ANKS1B: variants seen among roughly 807,000 people sequenced by gnomAD.
The protein encoded by ANKS1B is ankyrin repeat and sterile alpha motif domain containing 1B, also known as ankyrin repeat and sterile alpha motif domain-containing protein 1B.
Under a neutral mutation model 148.3 loss-of-function variants are expected in ANKS1B, and 36 were observed. The ratio of observed to expected loss-of-function variants is 0.24; its 90% CI spans 0.19 to 0.32. The LOEUF is 0.32. Among genes scored for constraint, ANKS1B ranks in the 10% least tolerant of loss-of-function variants. ANKS1B has a pLI of 1.00. For synonymous variants in ANKS1B, 542 were observed against 560.8 expected (o/e 0.97, Z 0.47); for missense variants, 1,157 against 1,542.6 (o/e 0.75, Z 4.19).
chr12:99,580,106 C>G (rs1345978027), intron 9 of ANKS1B, among the ~76,000 whole-genome samples: 1 of 152,052 alleles, frequency 6.6e-6, no homozygotes, highest in Non-Finnish European at 1.5e-5. Flanking sequence ...AACAGAAAAC[C>G]AAATACCACA....
intron 22 of ANKS1B, among the ~76,000 whole-genome samples, chr12:98,793,061 A>G (rs1387783702): frequency 2.6e-5 from 4 of 152,152 alleles, no homozygotes; most frequent in Admixed American, 1.3e-4. Context: ...TCATTGCTCT[A>G]CTAATTTATA....
chr12:98,766,517 G>T (rs552312026), intron 25 of ANKS1B, among the ~76,000 whole-genome samples: 3 of 152,310 alleles, frequency 2.0e-5, no homozygotes, highest in African/African-American at 7.2e-5. Context: ...TCTATGCATT[G>T]TGACATTTTC....
rs1437356479 is a variant in ANKS1B at position 98,801,511 on chromosome 12, T to C, written c.3142-386A>G. ...ATTTTTAGTTTGAATTGCTTTCACATTCAGAACACACAGTTCTATAAATTT... is the reference window on the plus strand; with the variant it reads ...ATTTTTAGTTTGAATTGCTTTCACACTCAGAACACACAGTTCTATAAATTT... On this transcript the variant is annotated intron_variant, in intron 20 of 26. Transcript: ENST00000683438. This position sits in a 1 kb window ranked among gnomAD's most constrained non-coding sequence, Gnocchi z 5.2. Among the ~76,000 whole-genome samples the C allele has an allele frequency of 6.6e-6, 1 of 152,224 alleles. No homozygotes were observed. Among genetic ancestry groups the C allele is most frequent in the African/African-American group, 2.4e-5 (1 of 41,460 alleles).
chr12:99,189,494 C>A (rs2080341314), intron 14 of ANKS1B, among the ~76,000 whole-genome samples: 1 of 152,174 alleles, frequency 6.6e-6, no homozygotes, highest in African/African-American at 2.4e-5. Flanking sequence ...GCTTATCTAC[C>A]ACGATCAAGT....
chr12:99,484,291 C>T (rs568888606), intron 10 of ANKS1B, among the ~76,000 whole-genome samples: 35 of 151,848 alleles, frequency 2.3e-4, no homozygotes, highest in Non-Finnish European at 4.6e-4. Flanking sequence ...AATTTCCATG[C>T]GTTTTTATAG....
At chr12:98,785,691 C>T (rs771406935) in intron 22 of ANKS1B, among the ~76,000 whole-genome samples, 17 of 152,122 alleles carry the variant, frequency 1.1e-4, no homozygotes, top group Non-Finnish European at 2.5e-4. Flanking sequence ...ATTCTTTTCT[C>T]CTTCCCAGGG....
intron 17 of ANKS1B, among the ~76,000 whole-genome samples, chr12:98,925,042 C>T (rs1318462167): frequency 6.6e-6 from 1 of 152,118 alleles, no homozygotes; most frequent in Non-Finnish European, 1.5e-5. Context: ...CTATAACACA[C>T]AAAATATGGT....
chr12:99,576,548 C>A (rs2097522176), intron 9 of ANKS1B, among the ~76,000 whole-genome samples: 1 of 152,048 alleles, frequency 6.6e-6, no homozygotes, highest in Admixed American at 6.6e-5. Context: ...TGGACCACAG[C>A]ACAGTAAAAA....
chr12:99,587,334 T>C (rs2097652749), intron 9 of ANKS1B, among the ~76,000 whole-genome samples: 1 of 152,170 alleles, frequency 6.6e-6, no homozygotes, highest in African/African-American at 2.4e-5. Flanking sequence ...CCTCTTGGTA[T>C]GAATATAAGC....
rs375803958 is a variant in ANKS1B, at chr12:99,453,094, TC to T, written c.1439-9286del. On this transcript the variant is annotated intron_variant, in intron 10 of 26. Coordinates refer to ENST00000683438, the MANE Select transcript of ANKS1B (RefSeq NM_001352186.2). The stretch of plus-strand genomic sequence containing the variant: ...TCACAAGGTCAGGAGATCGAGACCA[TC>T]CTGGCTAACATGGTGAAACCCCGTC... Among the ~76,000 whole-genome samples, 644 of 152,116 alleles carry T rather than the reference TC, an allele frequency of 4.2e-3. 28 individuals are homozygous for T. The South Asian group carries it at 0.058, about 14-fold the overall frequency.
intron 12 of ANKS1B, among the ~76,000 whole-genome samples, chr12:99,302,973 G>A (rs2081874934): frequency 6.6e-6 from 1 of 152,076 alleles, no homozygotes; most frequent in East Asian, 1.9e-4. Flanking sequence ...ATGTTCTTTA[G>A]GCTAATTGAG....
chr12:99,154,641 C>T, intron 14 of ANKS1B: 1 of 1,445,382 alleles, frequency 6.9e-7, no homozygotes. Context: ...ACATATTAAT[C>T]TTTACTACCG....
downstream of ANKS1B, among the ~76,000 whole-genome samples, chr12:98,742,500 C>A (rs376168310): frequency 6.6e-6 from 1 of 152,226 alleles, no homozygotes; most frequent in Non-Finnish European, 1.5e-5. Flanking sequence ...GCAGAAGCAA[C>A]TCTAAGGAAA....
At chr12:99,670,467 T>C (rs2098532095) in intron 8 of ANKS1B, among the ~76,000 whole-genome samples, 1 of 152,094 alleles carries the variant, frequency 6.6e-6, no homozygotes, top group African/African-American at 2.4e-5. Flanking sequence ...ATTAAAAAAT[T>C]ATTGTTTATG....
At chr12:99,163,530 G>A (rs2076903514) in intron 14 of ANKS1B, among the ~76,000 whole-genome samples, 1 of 148,750 alleles carries the variant, frequency 6.7e-6, no homozygotes, top group Non-Finnish European at 1.5e-5. Flanking sequence ...TTTATCACAC[G>A]TGCAGACCAC....
At chr12:98,982,737 CTTAAT>C (rs1568180197) in intron 17 of ANKS1B, among the ~76,000 whole-genome samples, 1 of 152,154 alleles carries the variant, frequency 6.6e-6, no homozygotes, top group East Asian at 1.9e-4. Flanking sequence ...TTTGTATAAA[CTTAAT>C]TTATTTTCAT....
intron 8 of ANKS1B, among the ~76,000 whole-genome samples, chr12:99,769,412 T>C (rs1025779261): frequency 6.6e-6 from 1 of 152,204 alleles, no homozygotes; most frequent in Non-Finnish European, 1.5e-5. Flanking sequence ...TATACAACTA[T>C]GGCTGAGAAC....
chr12:99,898,954 TG>T (rs2093488033), intron 1 of ANKS1B, among the ~76,000 whole-genome samples: 1 of 152,186 alleles, frequency 6.6e-6, no homozygotes, highest in African/African-American at 2.4e-5. Context: ...TGGAGATCAA[TG>T]AGTCTAGTCC....
At chr12:99,530,260 T>G (rs1043110624) in intron 9 of ANKS1B, among the ~76,000 whole-genome samples, 3 of 152,208 alleles carry the variant, frequency 2.0e-5, no homozygotes, top group South Asian at 4.1e-4. Context: ...CCCTTGGCAG[T>G]GTAGGCTTCC....
Sources: gnomAD v4.1 joint callset for allele counts (sites outside exome capture counted in the v4.1 genomes callset) on GRCh38, gnomAD v4.1.1 for gene constraint, Gnocchi (gnomAD v3.1) non-coding constraint, MANE v1.5 for transcripts, NCBI Gene and HGNC (gene_info 2026-07-23, HGNC 2026-07-21) for gene names.